The following NRXN1 variants were observed in gnomAD, a reference collection of about 807,000 sequenced individuals.
The protein encoded by NRXN1 is neurexin-1.
In NRXN1, 39 loss-of-function variants were observed where a neutral mutation model predicts 150.9. That is an observed-to-expected ratio of 0.26 (90% confidence interval 0.20 to 0.34). NRXN1 has a LOEUF of 0.34. NRXN1 is among the 10% of genes least tolerant of loss of function. The pLI is 1.00. For missense variants in NRXN1, 1,815 were observed against 1,949.9 expected, an observed-to-expected ratio of 0.93 and a Z score of 1.30; for synonymous variants, 924 against 757.0, an observed-to-expected ratio of 1.22 and a Z score of -3.62.
chr2:50,477,048 T>C (rs2090049776), intron 15 of NRXN1, among the ~76,000 whole-genome samples: 1 of 152,092 alleles, frequency 6.6e-6, no homozygotes, highest in African/African-American at 2.4e-5. Flanking sequence ...GAGACATTAC[T>C]ATTGTAATGA....
intron 18 of NRXN1, among the ~76,000 whole-genome samples, chr2:50,154,869 A>C (rs1273944593): frequency 6.6e-6 from 1 of 151,664 alleles, no homozygotes; most frequent in Non-Finnish European, 1.5e-5. Flanking sequence ...ATAAGCATTA[A>C]GAAAAAAAAG....
chr2:50,775,288 C>T (rs1439506521), intron 5 of NRXN1, among the ~76,000 whole-genome samples: 1 of 152,014 alleles, frequency 6.6e-6, no homozygotes, highest in East Asian at 1.9e-4. Context: ...TCCTGTGGGG[C>T]CTAAGAGGAC....
intron 21 of NRXN1, chr2:50,016,610 A>T (rs1686667994): frequency 6.6e-6 from 1 of 152,136 alleles, no homozygotes; most frequent in Non-Finnish European, 1.5e-5. Flanking sequence ...CCGCAGGGGA[A>T]ATGCCAGATG....
chr2:50,933,502 C>T lies in NRXN1; in HGVS notation c.773-7547G>A, dbSNP rs138018351. ...TAAATACTATACAAACTGCAATTCT[C>T]TTTTGGAAAAAAAGTGTTTTGTGTT... On this transcript the variant is annotated intron_variant, in intron 2 of 22. Coordinates refer to ENST00000401669, the MANE Select transcript of NRXN1 (RefSeq NM_001330078.2). 2.6e-3 allele frequency among the ~76,000 whole-genome samples: 403 copies of T among 152,080 alleles called. 1 individual carries two copies. The highest frequency in any genetic ancestry group is 4.8e-3 in the Non-Finnish European group (324 of 67,928).
chr2:50,901,685 C>T (rs964955040), intron 5 of NRXN1, among the ~76,000 whole-genome samples: 2 of 152,062 alleles, frequency 1.3e-5, no homozygotes, highest in African/African-American at 4.8e-5. Context: ...GAAAGTTCAA[C>T]AATAGTTCGA....
chr2:50,373,203 A>G (rs1327946429), intron 17 of NRXN1, among the ~76,000 whole-genome samples: 2 of 151,480 alleles, frequency 1.3e-5, no homozygotes, highest in African/African-American at 4.8e-5. Flanking sequence ...ACCACACCCC[A>G]AGGAGGAGTT....
intron 5 of NRXN1, among the ~76,000 whole-genome samples, chr2:50,667,635 T>A (rs1215986429): frequency 6.6e-6 from 1 of 152,020 alleles, no homozygotes; most frequent in Non-Finnish European, 1.5e-5. Context: ...CATCCTTTAA[T>A]GCTCAGCTCA....
chr2:50,529,751 T>C (rs1201627381), intron 11 of NRXN1, among the ~76,000 whole-genome samples: 2 of 152,216 alleles, frequency 1.3e-5, no homozygotes, highest in Admixed American at 6.6e-5. Flanking sequence ...ACAGCAGCTT[T>C]ACTGCATGCA....
intron 19 of NRXN1, among the ~76,000 whole-genome samples, chr2:50,071,480 T>C (rs1280712400): frequency 6.6e-6 from 1 of 152,138 alleles, no homozygotes; most frequent in Non-Finnish European, 1.5e-5. Flanking sequence ...AGAGGAAGAC[T>C]GGACACACAA....
intron 17 of NRXN1, among the ~76,000 whole-genome samples, chr2:50,304,028 T>C (rs965053202): frequency 1.3e-5 from 2 of 152,146 alleles, no homozygotes; most frequent in Admixed American, 1.3e-4. Context: ...ATGTAAACAT[T>C]CATAACTTAC....
intron 8 of NRXN1, 188 bp downstream of exon 8, chr2:50,619,834 T>C (rs1043611914): frequency 2.2e-6 from 1 of 458,478 alleles, no homozygotes; most frequent in Non-Finnish European, 3.9e-6. Context: ...AAGAGGAACC[T>C]AATTCCTTCA....
chr2:50,003,770 C>G (rs1438945340), intron 21 of NRXN1, among the ~76,000 whole-genome samples: 1 of 152,072 alleles, frequency 6.6e-6, no homozygotes, highest in Non-Finnish European at 1.5e-5. Flanking sequence ...GATAATATTT[C>G]CAACATTTCA....
chr2:50,713,965 TCAA>T (rs774915933), intron 5 of NRXN1, among the ~76,000 whole-genome samples: 1 of 152,160 alleles, frequency 6.6e-6, no homozygotes, highest in Non-Finnish European at 1.5e-5. Context: ...CATCACATCC[TCAA>T]CAACGATATA....
chr2:50,964,121 T>A (rs898199690), intron 2 of NRXN1: 15 of 294,564 alleles, frequency 5.1e-5, no homozygotes, highest in African/African-American at 2.6e-4. Flanking sequence ...ACAAAATCTT[T>A]GTCATCTCAA....
At chr2:50,194,126 G>T (rs1030530071) in intron 18 of NRXN1, among the ~76,000 whole-genome samples, 1 of 152,150 alleles carries the variant, frequency 6.6e-6, no homozygotes, top group African/African-American at 2.4e-5. Context: ...AGGTGGTCTG[G>T]TTCTGATTAC....
chr2:50,903,998 C>G (rs1207170283), intron 5 of NRXN1, among the ~76,000 whole-genome samples: 1 of 152,076 alleles, frequency 6.6e-6, no homozygotes, highest in Non-Finnish European at 1.5e-5. Context: ...AATGTTAAAA[C>G]AGAGAAAAGA....
Position 50,925,930 on chromosome 2 carries a change from G to C in NRXN1, c.790+8C>G. 1 of 1,570,670 alleles carries C rather than the reference G, an allele frequency of 6.4e-7. No homozygotes were observed. The highest frequency in any genetic ancestry group is 1.4e-5 in the African/African-American group (1 of 73,990). ...GAGAGTTGGAAAAATAAGGTAGAAA[G>C]CACCCACCTTCCACATTGTTGTCTT... On this transcript the variant is annotated splice_region_variant and intron_variant, in intron 3 of 22. Coordinates refer to ENST00000401669, the MANE Select transcript of NRXN1 (RefSeq NM_001330078.2).
intron 17 of NRXN1, among the ~76,000 whole-genome samples, chr2:50,270,628 G>A (rs556540312): frequency 2.9e-4 from 44 of 150,676 alleles, no homozygotes; most frequent in African/African-American, 9.5e-4. Flanking sequence ...AAAGTATAAC[G>A]TACAAGCAAA....
chr2:50,413,828 C>A (rs1309133315), intron 17 of NRXN1, among the ~76,000 whole-genome samples: 1 of 152,068 alleles, frequency 6.6e-6, no homozygotes, highest in Non-Finnish European at 1.5e-5. Flanking sequence ...GTTACATATA[C>A]ATAATGGACT....
Sources: allele counts gnomAD v4.1 joint callset (sites outside exome capture counted in the v4.1 genomes callset), GRCh38; gene constraint gnomAD v4.1.1; transcripts MANE v1.5; gene names NCBI Gene and HGNC (gene_info 2026-07-23, HGNC 2026-07-21).